The following RIN2 variants were observed in gnomAD, a reference collection of about 807,000 sequenced individuals.
RIN2 encodes the protein RAB5 interacting protein 2.
RIN2 carries 36 observed loss-of-function variants against 78.0 expected under a neutral mutation model. That is an observed-to-expected ratio of 0.46 (90% CI 0.35 to 0.61). The LOEUF is 0.61. Ranked by LOEUF, RIN2 falls within the 20% of genes least tolerant of loss-of-function variation. RIN2 has a pLI of 0.00. For synonymous variants in RIN2, 466 were observed against 466.8 expected (o/e 1.00, Z 0.02); for missense variants, 1,087 against 1,159.7 (o/e 0.94, Z 0.91).
At chr20:19,853,138 T>C (rs553812253) in intron 2 of RIN2, among the ~76,000 whole-genome samples, 14 of 150,818 alleles carry the variant, frequency 9.3e-5, no homozygotes, top group Admixed American at 8.0e-4. Flanking sequence ...CGGTGTTTGG[T>C]TTTTTGTCCT....
chr20:19,867,855 G>T (rs144964292), intron 2 of RIN2, among the ~76,000 whole-genome samples: 3,652 of 152,336 alleles, frequency 0.024, 57 homozygotes, highest in Non-Finnish European at 0.037. Flanking sequence ...TTTAGACTTT[G>T]CTGGATGATG....
At chr20:19,928,333 G>A (rs1449264244) in intron 3 of RIN2, among the ~76,000 whole-genome samples, 1 of 152,142 alleles carries the variant, frequency 6.6e-6, no homozygotes, top group Non-Finnish European at 1.5e-5. Context: ...CCAGCCAACC[G>A]GGGCCCGAGA....
rs1488743024 is a variant in RIN2 at position 19,857,411 on chromosome 20, G to A, written c.-36-32155G>A. Reference sequence around the variant, plus strand: ...TGGATATTTAAATTGTTTCTAGTCTGGACTATAATGAATAAAGCTGCAATG... The same window carrying A: ...TGGATATTTAAATTGTTTCTAGTCTAGACTATAATGAATAAAGCTGCAATG... On this transcript the variant is annotated intron_variant, in intron 2 of 12. Transcript: ENST00000255006. 3.9e-5 allele frequency among the ~76,000 whole-genome samples: 6 copies of A among 152,064 alleles called. No homozygotes were observed. The East Asian group carries it at 1.2e-3, about 29-fold the overall frequency.
chr20:19,910,471 C>G (rs2039413920), intron 3 of RIN2, among the ~76,000 whole-genome samples: 2 of 148,998 alleles, frequency 1.3e-5, no homozygotes, highest in South Asian at 4.3e-4. Flanking sequence ...CCATGCTTGG[C>G]CTTCATACTC....
chr20:19,802,471 TAAA>T (rs11300762), intron 2 of RIN2, among the ~76,000 whole-genome samples: 39 of 140,058 alleles, frequency 2.8e-4, no homozygotes, highest in African/African-American at 7.0e-4. Context: ...AAAGTTTCTT[TAAA>T]AAAAAAAAAA....
In RIN2 at chr20:19,956,478, G is replaced by A. The variant is rs1175959673; in HGVS notation, c.159-137G>A. On this transcript the variant is annotated intron_variant, in intron 4 of 12. Coordinates refer to ENST00000255006, the MANE Select transcript of RIN2 (RefSeq NM_018993.4). ...CCCTCAGAAAGCTTTCAGTCTGGAA[G>A]AGAAGATGATTAAGGGGGCGATCAC... 14 of 711,144 alleles carry A rather than the reference G, an allele frequency of 2.0e-5. No individual in the cohort carries two copies. In the Admixed American group the frequency reaches 3.2e-4, roughly 16 times the overall value. The allele number at this position is 711,144 out of a possible 1,614,324, so 44.1% of individuals were successfully genotyped here.
At chr20:19,773,530 AC>A (rs1472407997) in intron 1 of RIN2, among the ~76,000 whole-genome samples, 2 of 152,080 alleles carry the variant, frequency 1.3e-5, no homozygotes, top group African/African-American at 4.8e-5. Flanking sequence ...AGGCCTTAGC[AC>A]CTTCTGAGGT....
At chr20:19,865,269 T>C (rs2037467742) in intron 2 of RIN2, among the ~76,000 whole-genome samples, 1 of 152,162 alleles carries the variant, frequency 6.6e-6, no homozygotes, top group African/African-American at 2.4e-5. Flanking sequence ...CTATGACATA[T>C]TTTCTATACA....
chr20:19,992,084 G>T, intron 10 of RIN2, 84 bp from the exon 11 acceptor site: 1 of 1,499,228 alleles, frequency 6.7e-7, no homozygotes. Flanking sequence ...GTGACTCCTT[G>T]CTGTCTAATA....
chr20:19,758,097 G>A (rs569877020), upstream of RIN2: 1 of 152,626 alleles, frequency 6.6e-6, no homozygotes, highest in South Asian at 2.1e-4. Context: ...GGTGGCTGGG[G>A]GAGGGGGATG....
intron 8 of RIN2, among the ~76,000 whole-genome samples, chr20:19,971,399 C>T (rs1191451251): frequency 6.6e-6 from 1 of 152,142 alleles, no homozygotes; most frequent in Non-Finnish European, 1.5e-5. Context: ...CCGATGTCCC[C>T]TAAGTCCCCA....
chr20:19,818,019 T>C (rs185279210), intron 2 of RIN2, among the ~76,000 whole-genome samples: 2 of 148,314 alleles, frequency 1.3e-5, no homozygotes, highest in Non-Finnish European at 3.0e-5. Flanking sequence ...TAGAGTGCAC[T>C]TACACAAAAA....
chr20:19,887,224 A>G (rs1452146096), intron 2 of RIN2, among the ~76,000 whole-genome samples: 1 of 147,022 alleles, frequency 6.8e-6, no homozygotes, highest in African/African-American at 2.5e-5. Context: ...GGGTCTCGCT[A>G]TGTTGCCCAG....
intron 2 of RIN2, among the ~76,000 whole-genome samples, chr20:19,808,766 C>G (rs1035020418): frequency 1.3e-5 from 2 of 152,230 alleles, no homozygotes; most frequent in Non-Finnish European, 2.9e-5. Context: ...TGCTGGCCCC[C>G]TGGGGGTGGC....
chr20:19,977,135 T>C (rs780441273), intron 9 of RIN2, among the ~76,000 whole-genome samples: 10 of 152,062 alleles, frequency 6.6e-5, no homozygotes, highest in Non-Finnish European at 1.5e-4. Context: ...CATATCTGAC[T>C]CAGTATTAAC....
chr20:19,940,296 A>G (rs1421166555), intron 4 of RIN2, among the ~76,000 whole-genome samples: 1 of 152,208 alleles, frequency 6.6e-6, no homozygotes, highest in African/African-American at 2.4e-5. Context: ...GAATGGATAA[A>G]GGAAAGGTGC....
intron 1 of RIN2, among the ~76,000 whole-genome samples, chr20:19,790,048 A>T (rs1199379112): frequency 6.6e-6 from 1 of 152,112 alleles, no homozygotes; most frequent in African/African-American, 2.4e-5. Context: ...TCACGTTTTT[A>T]TCAAAATGTG....
intron 3 of RIN2, among the ~76,000 whole-genome samples, chr20:19,932,475 A>G (rs1237509288): frequency 1.3e-5 from 2 of 152,188 alleles, no homozygotes; most frequent in Middle Eastern, 3.2e-3. Flanking sequence ...TTTTAAAAAA[A>G]CTTTGCCACA....
intron 2 of RIN2, chr20:19,889,022 G>C (rs907158163): frequency 1.7e-6 from 1 of 588,274 alleles, no homozygotes; most frequent in Non-Finnish European, 2.1e-6. Context: ...CCTGTAAACA[G>C]TGACAGGATT....
Sources: gnomAD v4.1 joint callset for allele counts (sites outside exome capture counted in the v4.1 genomes callset) on GRCh38, gnomAD v4.1.1 for gene constraint, MANE v1.5 for transcripts, NCBI Gene and HGNC (gene_info 2026-07-23, HGNC 2026-07-21) for gene names.